KLHL32: variants seen among roughly 807,000 people sequenced by gnomAD.
KLHL32 encodes the protein kelch-like protein 32.
KLHL32 carries 35 observed loss-of-function variants against 64.8 expected under a neutral mutation model. The observed-to-expected ratio is 0.54, with a 90% confidence interval of 0.41 to 0.72. KLHL32 has a LOEUF of 0.72. Ranked by LOEUF, KLHL32 falls within the 30% of genes least tolerant of loss-of-function variation. The pLI is 0.00. For synonymous variants in KLHL32, 259 were observed against 281.0 expected, an observed-to-expected ratio of 0.92 and a Z score of 0.78; for missense variants, 589 against 768.5, an observed-to-expected ratio of 0.77 and a Z score of 2.76.
At chr6:97,108,439 G>C (rs76878278) in intron 6 of KLHL32, among the ~76,000 whole-genome samples, 2,856 of 152,114 alleles carry the variant, frequency 0.019, 81 homozygotes, top group African/African-American at 0.066. Flanking sequence ...TGATAAATCA[G>C]CTTTCCTCTT....
At chr6:96,904,717 G>A in the KLHL32 span, among the ~76,000 whole-genome samples, 1 of 152,142 alleles carries the variant, frequency 6.6e-6, no homozygotes, top group African/African-American at 2.4e-5. Flanking sequence ...CAGCAATTAG[G>A]TAGGACTTAC....
chr6:97,120,911 C>T (rs1374370606), intron 7 of KLHL32, among the ~76,000 whole-genome samples: 1 of 152,052 alleles, frequency 6.6e-6, no homozygotes, highest in Admixed American at 6.6e-5. Context: ...TTCCTACCTC[C>T]CATCTGAAAG....
chr6:97,052,593 G>A (rs1787113991), intron 4 of KLHL32, among the ~76,000 whole-genome samples: 1 of 152,144 alleles, frequency 6.6e-6, no homozygotes, highest in African/African-American at 2.4e-5. Flanking sequence ...CTCATGGTTG[G>A]TGACCGCCCT....
intron 1 of KLHL32, among the ~76,000 whole-genome samples, chr6:96,964,017 C>A (rs2128029285): frequency 6.6e-6 from 1 of 152,332 alleles, no homozygotes; most frequent in East Asian, 1.9e-4. Flanking sequence ...ATAGCACTCC[C>A]CTGGGGTTTG....
At chr6:96,923,872 T>C (rs1286077233), upstream of KLHL32, among the ~76,000 whole-genome samples, 2 of 152,226 alleles carry the variant, frequency 1.3e-5, no homozygotes, top group African/African-American at 4.8e-5. Context: ...CTATTAAAAT[T>C]ACCCACTTTG....
intron 3 of KLHL32, among the ~76,000 whole-genome samples, chr6:97,034,376 T>C (rs1292884277): frequency 6.6e-6 from 1 of 152,158 alleles, no homozygotes; most frequent in East Asian, 1.9e-4. Context: ...TCTATATATC[T>C]GTTTTTATGA....
At chr6:96,910,297 A>T in the KLHL32 span, among the ~76,000 whole-genome samples, 6 of 152,232 alleles carry the variant, frequency 3.9e-5, no homozygotes, top group Admixed American at 2.6e-4. Flanking sequence ...AAAAAAAAAA[A>T]TTAGACAAAA....
intron 6 of KLHL32, among the ~76,000 whole-genome samples, chr6:97,113,350 T>A (rs752454440): frequency 3.3e-5 from 5 of 152,126 alleles, no homozygotes; most frequent in African/African-American, 4.8e-5. Context: ...CTCATATTGA[T>A]ACAGCACCTT....
intron 6 of KLHL32, among the ~76,000 whole-genome samples, chr6:97,091,715 A>G (rs1485293999): frequency 6.6e-6 from 1 of 152,164 alleles, no homozygotes; most frequent in African/African-American, 2.4e-5. Context: ...CTTTTGTTCA[A>G]TGCTTTGCTT....
intron 1 of KLHL32, among the ~76,000 whole-genome samples, chr6:96,942,403 A>G (rs1324842919): frequency 6.6e-6 from 1 of 152,186 alleles, no homozygotes; most frequent in Admixed American, 6.5e-5. Flanking sequence ...CCATGAAACC[A>G]TTCCTGATTA....
chr6:97,128,045 C>A (rs531263341), intron 8 of KLHL32, among the ~76,000 whole-genome samples: 8 of 152,210 alleles, frequency 5.3e-5, no homozygotes, highest in Admixed American at 2.6e-4. Flanking sequence ...TATGGATGAA[C>A]CTTGGCAATT....
chr6:97,029,618 C>T (rs1421615378), intron 3 of KLHL32, among the ~76,000 whole-genome samples: 3 of 152,106 alleles, frequency 2.0e-5, no homozygotes, highest in African/African-American at 7.2e-5. Flanking sequence ...TACCATTTAG[C>T]TCTCCAGGTG....
chr6:96,969,915 A>C (rs1774924041), intron 2 of KLHL32, among the ~76,000 whole-genome samples: 1 of 152,188 alleles, frequency 6.6e-6, no homozygotes, highest in Admixed American at 6.5e-5. Flanking sequence ...AACATGTCCC[A>C]AACCAAATTC....
chr6:97,063,392 A>C (rs1789222344), intron 4 of KLHL32, among the ~76,000 whole-genome samples: 1 of 152,232 alleles, frequency 6.6e-6, no homozygotes, highest in Non-Finnish European at 1.5e-5. Context: ...AAGAGAACCT[A>C]TAGTGATGCA....
chr6:97,098,894 CATCA>C (rs1322935805), intron 6 of KLHL32, among the ~76,000 whole-genome samples: 1 of 152,164 alleles, frequency 6.6e-6, no homozygotes, highest in Non-Finnish European at 1.5e-5. Context: ...GAGAGAAGTG[CATCA>C]GTCAAGTCAA....
At chr6:97,066,054 AATCCCTTTCTGCCTGTAG>A (rs1426547841) in intron 5 of KLHL32, among the ~76,000 whole-genome samples, 1 of 152,170 alleles carries the variant, frequency 6.6e-6, no homozygotes, top group East Asian at 1.9e-4. Flanking sequence ...AGCTATTTTT[AATCCCTTTCTGCCTGTAG>A]CAAATGGGAA....
chr6:96,986,840 C>G (rs1279176009), intron 3 of KLHL32, among the ~76,000 whole-genome samples: 1 of 152,224 alleles, frequency 6.6e-6, no homozygotes, highest in African/African-American at 2.4e-5. Flanking sequence ...GATGCCTCGC[C>G]CTGCTTCAGC....
intron 4 of KLHL32, among the ~76,000 whole-genome samples, chr6:97,054,723 A>G (rs1488567139): frequency 6.6e-6 from 1 of 152,254 alleles, no homozygotes; most frequent in Non-Finnish European, 1.5e-5. Flanking sequence ...AGACAGATAT[A>G]GCACCTTAAA....
chr6:97,132,022 G>C (rs1426252652), intron 9 of KLHL32, among the ~76,000 whole-genome samples: 1 of 152,142 alleles, frequency 6.6e-6, no homozygotes, highest in Non-Finnish European at 1.5e-5. Context: ...GAGTTATTCT[G>C]TCTTCTTTTT....
Sources: allele counts gnomAD v4.1 joint callset (sites outside exome capture counted in the v4.1 genomes callset), GRCh38; gene constraint gnomAD v4.1.1; transcripts MANE v1.5; gene names NCBI Gene and HGNC (gene_info 2026-07-23, HGNC 2026-07-21).